The following PLPPR1 variants were observed in gnomAD, a reference collection of about 807,000 sequenced individuals.
PLPPR1 encodes the protein phospholipid phosphatase-related protein type 1.
A neutral mutation model predicts 33.1 loss-of-function variants in PLPPR1; 10 were observed. That is an observed-to-expected ratio of 0.30 (90% CI 0.19 to 0.51). The LOEUF is 0.51. PLPPR1 is among the 20% of genes least tolerant of loss of function. The pLI, the probability that PLPPR1 is intolerant of heterozygous loss-of-function variation, is 0.97. For missense variants in PLPPR1, 304 were observed against 408.1 expected (o/e 0.74, Z 2.20); for synonymous variants, 151 against 151.0 (o/e 1.00, Z 0.00).
intron 1 of PLPPR1, among the ~76,000 whole-genome samples, chr9:101,084,916 A>T (rs1830659856): frequency 2.0e-5 from 3 of 152,218 alleles, no homozygotes; most frequent in Admixed American, 1.3e-4. Flanking sequence ...GATAAACAGC[A>T]ATGGCAACAA....
chr9:101,170,746 G>A (rs994842707), intron 1 of PLPPR1, among the ~76,000 whole-genome samples: 1 of 152,096 alleles, frequency 6.6e-6, no homozygotes. Context: ...GATCAGCCTG[G>A]GCAATGTAGT....
At chr9:101,140,321 A>T (rs149382119) in intron 1 of PLPPR1, among the ~76,000 whole-genome samples, 1 of 152,286 alleles carries the variant, frequency 6.6e-6, no homozygotes, top group East Asian at 1.9e-4. Flanking sequence ...CATTCAGCAA[A>T]TGTTTGTAGA....
At chr9:101,223,067 C>T (rs1826981679) in intron 2 of PLPPR1, among the ~76,000 whole-genome samples, 1 of 144,474 alleles carries the variant, frequency 6.9e-6, no homozygotes, top group Non-Finnish European at 1.5e-5. Context: ...AATCCCTGTG[C>T]TGTGGGAGAC....
At chr9:101,097,086 CT>C (rs1385623165) in intron 1 of PLPPR1, among the ~76,000 whole-genome samples, 43 of 152,154 alleles carry the variant, frequency 2.8e-4, no homozygotes, top group Non-Finnish European at 1.5e-5. Context: ...GGGAGAACAG[CT>C]GAATGAGGGT....
intron 1 of PLPPR1, among the ~76,000 whole-genome samples, chr9:101,183,115 G>A (rs775517947): frequency 1.3e-5 from 2 of 151,672 alleles, no homozygotes; most frequent in Admixed American, 6.6e-5. Flanking sequence ...ATAATTTAAC[G>A]TATGACCCAG....
At chr9:101,228,669 G>A (rs1417003734) in intron 2 of PLPPR1, among the ~76,000 whole-genome samples, 2 of 152,136 alleles carry the variant, frequency 1.3e-5, no homozygotes, top group Non-Finnish European at 2.9e-5. Context: ...TATTGGGGAT[G>A]TGACGTATTA....
intron 4 of PLPPR1, among the ~76,000 whole-genome samples, chr9:101,301,724 C>T (rs1017109393): frequency 5.3e-5 from 8 of 151,916 alleles, no homozygotes; most frequent in East Asian, 1.9e-4. Flanking sequence ...TCAATTGCAC[C>T]GAATGTGTTT....
At chr9:101,291,507 T>C (rs1349519989) in intron 4 of PLPPR1, among the ~76,000 whole-genome samples, 2 of 152,168 alleles carry the variant, frequency 1.3e-5, no homozygotes, top group South Asian at 2.1e-4. Context: ...CCCTGACCCC[T>C]GACCCCCGAG....
intron 4 of PLPPR1, among the ~76,000 whole-genome samples, chr9:101,304,208 T>C (rs746659292): frequency 2.2e-4 from 33 of 152,252 alleles, no homozygotes; most frequent in South Asian, 2.1e-4. Context: ...ATATGATCCC[T>C]GCAACATACA....
chr9:101,224,269 G>T (rs569686768), intron 2 of PLPPR1, among the ~76,000 whole-genome samples: 2 of 152,262 alleles, frequency 1.3e-5, no homozygotes, highest in African/African-American at 4.8e-5. Context: ...ATGATTTAAA[G>T]TGCTCTGCCA....
At chr9:101,029,733 A>C (rs1436179267) in intron 1 of PLPPR1, among the ~76,000 whole-genome samples, 1 of 152,122 alleles carries the variant, frequency 6.6e-6, no homozygotes, top group Non-Finnish European at 1.5e-5. Flanking sequence ...GTGCGGGGAT[A>C]AATGATGAGT....
At chr9:101,276,025 A>G (rs1828185708) in intron 3 of PLPPR1, among the ~76,000 whole-genome samples, 1 of 152,146 alleles carries the variant, frequency 6.6e-6, no homozygotes, top group Non-Finnish European at 1.5e-5. Flanking sequence ...TGCAGATCAC[A>G]AAGTGGGCTC....
intron 4 of PLPPR1, among the ~76,000 whole-genome samples, chr9:101,295,542 C>G (rs1269312979): frequency 6.6e-6 from 1 of 151,974 alleles, no homozygotes; most frequent in Non-Finnish European, 1.5e-5. Flanking sequence ...CACTACCTGA[C>G]TTCAAACTAT....
At chr9:101,188,755 T>C (rs1414676459) in intron 2 of PLPPR1, among the ~76,000 whole-genome samples, 1 of 152,130 alleles carries the variant, frequency 6.6e-6, no homozygotes, top group African/African-American at 2.4e-5. Context: ...ACTTTAAAAT[T>C]TTAAATATAC....
intron 1 of PLPPR1, among the ~76,000 whole-genome samples, chr9:101,152,245 G>A (rs1444023149): frequency 6.6e-6 from 1 of 152,158 alleles, no homozygotes; most frequent in Admixed American, 6.6e-5. Context: ...CGCTGGAGTT[G>A]TTTGTTTTGT....
intron 1 of PLPPR1, among the ~76,000 whole-genome samples, chr9:101,151,993 A>G (rs1165245714): frequency 6.6e-6 from 1 of 152,170 alleles, no homozygotes; most frequent in East Asian, 1.9e-4. Context: ...ACAATGGTTG[A>G]ACTAGTTTAC....
chr9:101,101,003 T>C (rs1564144797), intron 1 of PLPPR1, among the ~76,000 whole-genome samples: 1 of 152,174 alleles, frequency 6.6e-6, no homozygotes, highest in African/African-American at 2.4e-5. Context: ...AAAAGGTATG[T>C]GTAAGTAAAT....
chr9:101,183,937 C>A (rs1242275993), intron 1 of PLPPR1, among the ~76,000 whole-genome samples: 2 of 151,590 alleles, frequency 1.3e-5, no homozygotes, highest in Non-Finnish European at 3.0e-5. Context: ...ATTTAATTTT[C>A]TTTTCAGATA....
At chr9:101,167,760 C>T (rs73499853) in intron 1 of PLPPR1, among the ~76,000 whole-genome samples, 4,043 of 152,248 alleles carry the variant, frequency 0.027, 170 homozygotes, top group African/African-American at 0.087. Flanking sequence ...TACCTCTCCT[C>T]CCTGCTCATC....
Sources: gnomAD v4.1 joint callset for allele counts (sites outside exome capture counted in the v4.1 genomes callset) on GRCh38, gnomAD v4.1.1 for gene constraint, MANE v1.5 for transcripts, NCBI Gene and HGNC (gene_info 2026-07-23, HGNC 2026-07-21) for gene names.